Variants in KCNIP1 observed in about 807,000 individuals in gnomAD.
The protein encoded by KCNIP1 is potassium voltage-gated channel interacting protein 1.
A neutral mutation model predicts 33.0 loss-of-function variants in KCNIP1; 18 were observed. The ratio of observed to expected loss-of-function variants is 0.55; its 90% CI spans 0.38 to 0.81. The LOEUF is 0.81. KCNIP1 is among the 30% of genes least tolerant of loss of function. The pLI, the probability that KCNIP1 is intolerant of heterozygous loss-of-function variation, is 0.00. For missense variants in KCNIP1, 238 were observed against 271.6 expected (o/e 0.88, Z 0.87); for synonymous variants, 93 against 98.3 (o/e 0.95, Z 0.32).
intron 1 of KCNIP1, among the ~76,000 whole-genome samples, chr5:170,638,737 G>A (rs953797607): frequency 6.6e-6 from 1 of 152,192 alleles, no homozygotes; most frequent in Non-Finnish European, 1.5e-5. Context: ...ACATAAAGTG[G>A]TGTCTTCCTT....
intron 1 of KCNIP1, among the ~76,000 whole-genome samples, chr5:170,545,107 A>G (rs183091839): frequency 6.6e-6 from 1 of 152,112 alleles, no homozygotes; most frequent in Admixed American, 6.5e-5. Context: ...TGTGTCTGAA[A>G]ATGTCTTTAT....
At chr5:170,422,864 T>C (rs574383471) in intron 1 of KCNIP1, 1 of 152,324 alleles carries the variant, frequency 6.6e-6, no homozygotes, top group East Asian at 1.9e-4. Context: ...GGCAGGCGGA[T>C]TGCTTGAGTC....
intron 1 of KCNIP1, among the ~76,000 whole-genome samples, chr5:170,457,259 T>C (rs976243961): frequency 2.0e-5 from 3 of 152,062 alleles, no homozygotes. Flanking sequence ...TCTAAATAGG[T>C]ATTTAAAAAA....
intron 1 of KCNIP1, among the ~76,000 whole-genome samples, chr5:170,653,731 C>G (rs1761148370): frequency 6.6e-6 from 1 of 151,530 alleles, no homozygotes; most frequent in Admixed American, 6.6e-5. Flanking sequence ...TGTAGACATG[C>G]TATCATTTTT....
chr5:170,591,088 A>G (rs912949532), intron 1 of KCNIP1, among the ~76,000 whole-genome samples: 4 of 152,206 alleles, frequency 2.6e-5, no homozygotes, highest in South Asian at 2.1e-4. Context: ...AGCATCTACT[A>G]TGTGCAGAGA....
At chr5:170,418,843 G>T (rs1755401376) in intron 1 of KCNIP1, among the ~76,000 whole-genome samples, 1 of 152,156 alleles carries the variant, frequency 6.6e-6, no homozygotes, top group African/African-American at 2.4e-5. Flanking sequence ...ATCCATACAA[G>T]TTCCTCAACC....
intron 1 of KCNIP1, among the ~76,000 whole-genome samples, chr5:170,465,239 A>ATAG (rs1337101171): frequency 6.6e-6 from 1 of 152,202 alleles, no homozygotes; most frequent in Admixed American, 6.5e-5. Flanking sequence ...TATAGATCCT[A>ATAG]CAATATATCC....
intron 1 of KCNIP1, among the ~76,000 whole-genome samples, chr5:170,546,773 A>C (rs1301236117): frequency 6.6e-6 from 1 of 152,068 alleles, no homozygotes; most frequent in Non-Finnish European, 1.5e-5. Flanking sequence ...TGTTATTTTT[A>C]AGTCAACAAA....
rs113825159 is a variant in KCNIP1 at position 170,436,797 on chromosome 5, G to C, written c.88+82833G>C. ...ATACTAATACATGCCCAGCTGTTTA[G>C]AGCCCACAAGCCCTCTCATGGCCCT... On this transcript the variant is annotated intron_variant, in intron 1 of 7. Coordinates refer to the KCNIP1 transcript ENST00000377360. Among the ~76,000 whole-genome samples the C allele has an allele frequency of 3.1e-3, 471 of 152,244 alleles. 1 individual carries two copies. Among genetic ancestry groups the C allele is most frequent in the Non-Finnish European group, 5.5e-3 (372 of 68,030 alleles).
intron 1 of KCNIP1, among the ~76,000 whole-genome samples, chr5:170,624,739 GGAGA>G (rs1759755091): frequency 5.8e-5 from 6 of 104,346 alleles, no homozygotes; most frequent in Admixed American, 1.9e-4. Context: ...AGGTGGGGGG[GGAGA>G]GGGGAGGGGA....
At chr5:170,410,993 G>A (rs566566577) in intron 1 of KCNIP1, among the ~76,000 whole-genome samples, 1 of 152,330 alleles carries the variant, frequency 6.6e-6, no homozygotes, top group African/African-American at 2.4e-5. Flanking sequence ...TTCTATCAAA[G>A]TAAATATAGA....
intron 1 of KCNIP1, among the ~76,000 whole-genome samples, chr5:170,379,937 G>A (rs1764173232): frequency 6.7e-6 from 1 of 149,502 alleles, no homozygotes; most frequent in Non-Finnish European, 1.5e-5. Flanking sequence ...AGGCAACAAA[G>A]CGAGATCCCA....
At chr5:170,413,977 T>A (rs1755262039) in intron 1 of KCNIP1, among the ~76,000 whole-genome samples, 1 of 144,734 alleles carries the variant, frequency 6.9e-6, no homozygotes, top group Non-Finnish European at 1.5e-5. Flanking sequence ...GGGAAAGAGG[T>A]GACCTAAGGT....
intron 5 of KCNIP1, among the ~76,000 whole-genome samples, chr5:170,728,784 G>A (rs549827469): frequency 3.3e-5 from 5 of 152,112 alleles, no homozygotes; most frequent in Admixed American, 6.5e-5. Context: ...ATTTGGGAAG[G>A]AAATTTGGCA....
At chr5:170,536,165 C>T (rs1581288969) in intron 1 of KCNIP1, among the ~76,000 whole-genome samples, 1 of 152,222 alleles carries the variant, frequency 6.6e-6, no homozygotes, top group South Asian at 2.1e-4. Context: ...GCAGCAGTGC[C>T]TTGACCGGGG....
At chr5:170,622,172 C>T (rs1004996971) in intron 1 of KCNIP1, among the ~76,000 whole-genome samples, 2 of 152,158 alleles carry the variant, frequency 1.3e-5, no homozygotes, top group Non-Finnish European at 2.9e-5. Context: ...TGGGTGGAGC[C>T]GCGTCCTTCC....
intron 1 of KCNIP1, among the ~76,000 whole-genome samples, chr5:170,652,114 GA>G (rs1351075680): frequency 6.6e-6 from 1 of 152,158 alleles, no homozygotes; most frequent in African/African-American, 2.4e-5. Flanking sequence ...GGAAGACAAA[GA>G]GGAGAGTGCA....
At position 170,721,691 on chromosome 5, in the gene KCNIP1, G is replaced by A. The variant is rs184583865; in HGVS notation, c.257-142G>A. On this transcript the variant is annotated intron_variant, in intron 3 of 7. Transcript: ENST00000328939. Reference sequence around the variant, plus strand: ...CCCAAACCCAAAGAGTTGAGTCAATGGGCCCCACTCCATAATTTTCTCCTT... The same window carrying A: ...CCCAAACCCAAAGAGTTGAGTCAATAGGCCCCACTCCATAATTTTCTCCTT... 4.7e-4 allele frequency: 738 copies of A among 1,574,334 alleles called. 4 individuals carry two copies. In the African/African-American group the frequency reaches 8.9e-3, roughly 19 times the overall value.
chr5:170,372,478 G>A (rs147373549), intron 1 of KCNIP1, among the ~76,000 whole-genome samples: 3,257 of 152,184 alleles, frequency 0.021, 43 homozygotes, highest in Non-Finnish European at 0.032. Flanking sequence ...AGAGGTTGCC[G>A]GGTAGAGCTG....
Sources: gnomAD v4.1 joint callset for allele counts (sites outside exome capture counted in the v4.1 genomes callset) on GRCh38, gnomAD v4.1.1 for gene constraint, MANE v1.5 for transcripts, NCBI Gene and HGNC (gene_info 2026-07-23, HGNC 2026-07-21) for gene names.